The following DIS3L2 variants were observed in gnomAD, a reference collection of about 807,000 sequenced individuals.
DIS3L2 encodes DIS3 like 3'-5' exoribonuclease 2, also known as DIS3-like exonuclease 2.
A neutral mutation model predicts 97.5 loss-of-function variants in DIS3L2; 34 were observed. The observed-to-expected ratio is 0.35, with a 90% CI of 0.27 to 0.46. DIS3L2 has a LOEUF of 0.46. Ranked by LOEUF, DIS3L2 falls within the 20% of genes least tolerant of loss-of-function variation. The pLI is 1.00. For synonymous variants in DIS3L2, 435 were observed against 445.2 expected, an observed-to-expected ratio of 0.98 and a Z score of 0.29; for missense variants, 1,038 against 1,146.0, an observed-to-expected ratio of 0.91 and a Z score of 1.36.
chr2:232,083,498 T>TC (rs1397773203), intron 5 of DIS3L2, among the ~76,000 whole-genome samples: 9 of 145,808 alleles, frequency 6.2e-5, no homozygotes, highest in East Asian at 3.9e-4. Context: ...TTCTTCTTCT[T>TC]TTTTTTTTTT....
At chr2:232,048,405 G>GTACT (rs1695303458) in intron 5 of DIS3L2, among the ~76,000 whole-genome samples, 1 of 151,988 alleles carries the variant, frequency 6.6e-6, no homozygotes, top group African/African-American at 2.4e-5. Flanking sequence ...AGCATCAAAA[G>GTACT]TTCTCTCTTA....
At chr2:232,130,352 T>C (rs750746747) in intron 6 of DIS3L2, among the ~76,000 whole-genome samples, 4 of 152,208 alleles carry the variant, frequency 2.6e-5, no homozygotes, top group Non-Finnish European at 5.9e-5. Context: ...TAATTCAACA[T>C]AGTTTGATGC....
At chr2:232,001,715 CTTTTTTTTT>C (rs36048859) in intron 1 of DIS3L2, among the ~76,000 whole-genome samples, 8 of 60,044 alleles carry the variant, frequency 1.3e-4, no homozygotes, top group Non-Finnish European at 2.1e-4. Flanking sequence ...ATCTTTAATT[CTTTTTTTTT>C]TTTTTTTTTT....
intron 5 of DIS3L2, among the ~76,000 whole-genome samples, chr2:232,032,492 G>C (rs968559415): frequency 1.3e-5 from 2 of 152,162 alleles, no homozygotes; most frequent in Non-Finnish European, 2.9e-5. Flanking sequence ...CTGTGCAGAA[G>C]CTCTTTAGTT....
intron 10 of DIS3L2, among the ~76,000 whole-genome samples, chr2:232,211,412 C>G (rs1692187993): frequency 6.6e-6 from 1 of 152,234 alleles, no homozygotes; most frequent in African/African-American, 2.4e-5. Flanking sequence ...TCCCAAAGTT[C>G]TGGCATCACA....
chr2:231,988,719 T>C (rs1169369909), intron 1 of DIS3L2, among the ~76,000 whole-genome samples: 1 of 152,188 alleles, frequency 6.6e-6, no homozygotes, highest in Admixed American at 6.5e-5. Flanking sequence ...TTCCAGATGT[T>C]TGCAGCCGCA....
intron 6 of DIS3L2, among the ~76,000 whole-genome samples, chr2:232,130,324 C>T (rs948377908): frequency 2.0e-5 from 3 of 152,098 alleles, no homozygotes; most frequent in African/African-American, 7.2e-5. Flanking sequence ...GGAATTTCGA[C>T]ACACAGGCTA....
intron 1 of DIS3L2, among the ~76,000 whole-genome samples, chr2:231,983,588 A>T (rs1328002778): frequency 6.6e-6 from 1 of 152,076 alleles, no homozygotes; most frequent in Non-Finnish European, 1.5e-5. Flanking sequence ...CTTTATCAGA[A>T]TCTAATGCCT....
At chr2:232,301,835 C>CT (rs557282669) in intron 14 of DIS3L2, among the ~76,000 whole-genome samples, 9,482 of 105,358 alleles carry the variant, frequency 0.09, 801 homozygotes, top group East Asian at 0.4. Flanking sequence ...TAGCCTAGCT[C>CT]TTTTTTTTTT....
chr2:232,148,748 C>CTTTCTT (rs1690299700), intron 8 of DIS3L2, among the ~76,000 whole-genome samples: 1 of 98,900 alleles, frequency 1.0e-5, no homozygotes, highest in Non-Finnish European at 1.9e-5. Flanking sequence ...AATTTTCTTT[C>CTTTCTT]TTTTTTTTTT....
At chr2:232,289,278 C>G (rs1318956369) in intron 13 of DIS3L2, among the ~76,000 whole-genome samples, 1 of 151,544 alleles carries the variant, frequency 6.6e-6, no homozygotes, top group Non-Finnish European at 1.5e-5. Flanking sequence ...TTGTCCAGGC[C>G]TTGCCCAGTT....
chr2:232,066,185 A>G (rs72989658), intron 5 of DIS3L2, among the ~76,000 whole-genome samples: 1,707 of 152,058 alleles, frequency 0.011, 18 homozygotes, highest in Non-Finnish European at 0.016. Context: ...GATGTTGAAC[A>G]CAAGTAGTGA....
In DIS3L2 at chr2:232,336,534, C is replaced by T. The variant is rs183452571; in HGVS notation, c.2562C>T (p.Ser854=). The T allele has an allele frequency of 2.4e-5, 39 of 1,610,440 alleles. No homozygotes were observed. Among genetic ancestry groups the T allele is most frequent in the African/African-American group, 2.3e-4 (17 of 75,032 alleles). Residue 854 remains serine (S), a synonymous_variant, in exon 21 of 21, where the codon AGC becomes AGT. Coordinates refer to ENST00000325385, the MANE Select transcript of DIS3L2 (RefSeq NM_152383.5). ...CAGAGTCCACAGCCCTCAAGTACAG[C>T]GCCATCCTGAAGCGGCCAGGCACCC... ...LQAESTALKY[S]AILKRPGTQG... is the part of the protein sequence containing the mutation.
At position 232,335,884 on chromosome 2, in the gene DIS3L2, CCT is replaced by C; in HGVS notation, c.2496+13_2496+14del. The C allele has an allele frequency of 1.3e-6, 2 of 1,550,090 alleles. No individual in the cohort carries two copies. The highest frequency in any genetic ancestry group is 1.2e-5 in the South Asian group (1 of 84,036). ...GGAGCCAGCACAGCAGGTCAGAACCCCTCTGTGTCCCAGCCCCCTAAGTCCTG... is the reference window on the plus strand; with the variant it reads ...GGAGCCAGCACAGCAGGTCAGAACCCCTGTGTCCCAGCCCCCTAAGTCCTG... On this transcript the variant is annotated intron_variant, in intron 20 of 20. Transcript: ENST00000325385.
intron 12 of DIS3L2, among the ~76,000 whole-genome samples, chr2:232,258,975 G>T (rs1236688778): frequency 6.6e-6 from 1 of 152,114 alleles, no homozygotes; most frequent in East Asian, 1.9e-4. Context: ...TCATTTTTTA[G>T]TACATGTCAG....
intron 8 of DIS3L2, among the ~76,000 whole-genome samples, chr2:232,138,385 ACAT>A (rs1698419457): frequency 6.6e-6 from 1 of 152,210 alleles, no homozygotes; most frequent in Admixed American, 6.5e-5. Flanking sequence ...TTAGATGGAA[ACAT>A]CATGCTTTTT....
rs1695960852 is a variant in DIS3L2 at position 232,336,628 on chromosome 2, T to G, written c.2656T>G (p.Ter886GlyextTer23). The G allele has an allele frequency of 1.9e-6, 3 of 1,595,088 alleles. No homozygotes were observed. The highest frequency in any genetic ancestry group is 2.6e-6 in the Non-Finnish European group (3 of 1,175,496). Residue 886 changes from the stop codon to glycine (G), a stop_lost, in exon 21 of 21, where the codon TGA (stop) becomes GGA (glycine). Coordinates refer to ENST00000325385, the MANE Select transcript of DIS3L2 (RefSeq NM_152383.5). ...DGEPEDSSTS[*>G] ...TGAGCCCGAGGACTCAAGCACCAGC[T>G]GAGCTCCACCAGCCGCCTGCCCCGC...
At chr2:231,993,706 C>T (rs1693644867) in intron 1 of DIS3L2, among the ~76,000 whole-genome samples, 1 of 151,574 alleles carries the variant, frequency 6.6e-6, no homozygotes, top group Non-Finnish European at 1.5e-5. Flanking sequence ...ATTTAAGTCC[C>T]TCCCTCTCAT....
intron 14 of DIS3L2, among the ~76,000 whole-genome samples, chr2:232,315,422 G>T (rs1360691291): frequency 1.3e-5 from 2 of 152,224 alleles, no homozygotes; most frequent in Non-Finnish European, 2.9e-5. Context: ...CTGAAGAAAG[G>T]TGCCCATGGT....
Sources: allele counts gnomAD v4.1 joint callset (sites outside exome capture counted in the v4.1 genomes callset), GRCh38; gene constraint gnomAD v4.1.1; transcripts MANE v1.5; gene names NCBI Gene and HGNC (gene_info 2026-07-23, HGNC 2026-07-21).